Variants in NYAP2 observed in about 807,000 individuals in gnomAD.
NYAP2 encodes the protein neuronal tyrosine-phosphorylated phosphoinositide-3-kinase adapter 2.
Under a neutral mutation model 50.4 loss-of-function variants are expected in NYAP2, and 23 were observed. That is an observed-to-expected ratio of 0.46 (90% CI 0.33 to 0.65). The LOEUF is 0.65. Among genes scored for constraint, NYAP2 ranks in the 30% least tolerant of loss-of-function variants. NYAP2 has a pLI of 0.02. For synonymous variants in NYAP2, 394 were observed against 365.2 expected (o/e 1.08, Z -0.90); for missense variants, 885 against 861.0 (o/e 1.03, Z -0.35).
At chr2:225,438,044 A>G (rs1430933961) in intron 3 of NYAP2, among the ~76,000 whole-genome samples, 3 of 152,094 alleles carry the variant, frequency 2.0e-5, no homozygotes, top group African/African-American at 7.2e-5. Flanking sequence ...ACATATACCT[A>G]TGGCTGAAAT....
exon 2 of NYAP2, chr2:225,400,854 C>T (rs1694848317): frequency 6.6e-6 from 1 of 152,408 alleles, no homozygotes; most frequent in South Asian, 2.1e-4. Context: ...ATCTGGGAGT[C>T]GACACTTTTC....
At chr2:225,665,822 A>AAAAAAAAAG in the NYAP2 span, among the ~76,000 whole-genome samples, 1 of 145,368 alleles carries the variant, frequency 6.9e-6, no homozygotes, top group Non-Finnish European at 1.5e-5. Flanking sequence ...AAAAAAAAAA[A>AAAAAAAAAG]AAAAAAAAAA....
chr2:225,420,166 G>C (rs1185653808), intron 3 of NYAP2, among the ~76,000 whole-genome samples: 2 of 152,128 alleles, frequency 1.3e-5, no homozygotes, highest in African/African-American at 2.4e-5. Flanking sequence ...GCTTCTCCTA[G>C]GGAATAGTAA....
chr2:225,650,459 C>T (rs1470355917), intron 6 of NYAP2, among the ~76,000 whole-genome samples: 1 of 152,108 alleles, frequency 6.6e-6, no homozygotes, highest in African/African-American at 2.4e-5. Flanking sequence ...TAAAGAAAGG[C>T]TTTTTGAAAA....
intron 4 of NYAP2, among the ~76,000 whole-genome samples, chr2:225,563,826 T>C (rs777738482): frequency 1.3e-5 from 2 of 152,150 alleles, no homozygotes; most frequent in African/African-American, 2.4e-5. Context: ...ATTACTCAAA[T>C]TGTCTATGTG....
At chr2:225,540,469 C>T (rs1480255186) in intron 4 of NYAP2, among the ~76,000 whole-genome samples, 1 of 152,106 alleles carries the variant, frequency 6.6e-6, no homozygotes, top group Non-Finnish European at 1.5e-5. Flanking sequence ...AGGAATACTC[C>T]CCCTTATAAT....
At chr2:225,432,640 C>G (rs1245943148) in intron 3 of NYAP2, among the ~76,000 whole-genome samples, 1 of 151,906 alleles carries the variant, frequency 6.6e-6, no homozygotes, top group African/African-American at 2.4e-5. Context: ...TCCAAAATAC[C>G]ACCTAGGATG....
exon 7 of NYAP2, chr2:225,652,153 A>G (rs1226479180): frequency 6.6e-6 from 1 of 152,202 alleles, no homozygotes; most frequent in East Asian, 1.9e-4. Context: ...TGAGTATGGC[A>G]GCTAGTCTTT....
intron 5 of NYAP2, among the ~76,000 whole-genome samples, chr2:225,595,754 A>G (rs895632905): frequency 6.6e-6 from 1 of 152,200 alleles, no homozygotes; most frequent in African/African-American, 2.4e-5. Context: ...CTGATGTTTC[A>G]TAAAACAGAA....
intron 4 of NYAP2, among the ~76,000 whole-genome samples, chr2:225,536,533 T>A (rs996140186): frequency 6.6e-6 from 1 of 152,136 alleles, no homozygotes; most frequent in African/African-American, 2.4e-5. Context: ...CCTTGTTTTT[T>A]TCTTTTTTCA....
At chr2:225,409,733 C>G (rs989055190) in intron 3 of NYAP2, among the ~76,000 whole-genome samples, 95 of 152,114 alleles carry the variant, frequency 6.2e-4, no homozygotes, top group African/African-American at 2.3e-3. Flanking sequence ...GTTAAATTTC[C>G]TAGAGCGCTG....
At chr2:225,654,914 G>A (rs868634575), downstream of NYAP2, among the ~76,000 whole-genome samples, 15 of 152,116 alleles carry the variant, frequency 9.9e-5, no homozygotes, top group South Asian at 8.3e-4. Context: ...GTCACTCACC[G>A]TTTCGTGTCA....
the NYAP2 span, among the ~76,000 whole-genome samples, chr2:225,666,765 T>C: frequency 1.3e-5 from 2 of 152,130 alleles, no homozygotes; most frequent in African/African-American, 4.8e-5. Context: ...TCTTAATCTT[T>C]TCAGGATTGG....
At chr2:225,525,106 A>G (rs1306259416) in intron 4 of NYAP2, among the ~76,000 whole-genome samples, 1 of 152,220 alleles carries the variant, frequency 6.6e-6, no homozygotes, top group Non-Finnish European at 1.5e-5. Context: ...AGATGCAAAG[A>G]AAAGGGAACA....
intron 3 of NYAP2, among the ~76,000 whole-genome samples, chr2:225,479,985 T>C (rs1325760997): frequency 6.6e-6 from 1 of 152,084 alleles, no homozygotes; most frequent in Non-Finnish European, 1.5e-5. Context: ...TTCTTTTACT[T>C]GTCTACTGAC....
chr2:225,538,355 A>G (rs1574665835), intron 4 of NYAP2, among the ~76,000 whole-genome samples: 1 of 152,150 alleles, frequency 6.6e-6, no homozygotes, highest in Non-Finnish European at 1.5e-5. Flanking sequence ...AGGCATTTCC[A>G]TACATCTTCT....
At chr2:225,670,342 A>G in the NYAP2 span, among the ~76,000 whole-genome samples, 1 of 152,140 alleles carries the variant, frequency 6.6e-6, no homozygotes, top group African/African-American at 2.4e-5. Context: ...GGGAGAGGTC[A>G]TGCAATCTTT....
At chr2:225,578,274 G>C (rs1692203292) in intron 4 of NYAP2, among the ~76,000 whole-genome samples, 1 of 151,924 alleles carries the variant, frequency 6.6e-6, no homozygotes, top group African/African-American at 2.4e-5. Flanking sequence ...ATAAGAAAAA[G>C]GACTGGAGGG....
chr2:225,535,959 A>G (rs1691342374), intron 4 of NYAP2, among the ~76,000 whole-genome samples: 2 of 152,204 alleles, frequency 1.3e-5, no homozygotes, highest in South Asian at 2.1e-4. Flanking sequence ...CTCTATATAA[A>G]CACTCATTAA....
Sources: gnomAD v4.1 joint callset for allele counts (sites outside exome capture counted in the v4.1 genomes callset) on GRCh38, gnomAD v4.1.1 for gene constraint, MANE v1.5 for transcripts, NCBI Gene and HGNC (gene_info 2026-07-23, HGNC 2026-07-21) for gene names.